Variants in GAREM2 observed in about 807,000 individuals in gnomAD.
The protein encoded by GAREM2 is GRB2 associated regulator of MAPK1 subtype 2.
In GAREM2, 30 loss-of-function variants were observed where a neutral mutation model predicts 55.6. That is an observed-to-expected ratio of 0.54 (90% CI 0.40 to 0.73). GAREM2 has a LOEUF of 0.73. Among genes scored for constraint, GAREM2 ranks in the 30% least tolerant of loss-of-function variants. The pLI, the probability that GAREM2 is intolerant of heterozygous loss-of-function variation, is 0.00. For missense variants in GAREM2, 1,075 were observed against 1,257.7 expected (o/e 0.85, Z 2.20); for synonymous variants, 550 against 569.1 (o/e 0.97, Z 0.48).
Position 26,179,357 on chromosome 2 carries a change from A to C in GAREM2, c.253+2873A>C, listed in dbSNP as rs1668970433. Among the ~76,000 whole-genome samples the C allele has an allele frequency of 6.6e-6, 1 of 152,184 alleles. No individual in the cohort carries two copies. Among genetic ancestry groups the C allele is most frequent in the Non-Finnish European group, 1.5e-5 (1 of 68,032 alleles). ...GACGGGAAATCCGAAGCCCAGAGAGATTAAATAATTTGCCCAAGGTCACAC... is the reference window on the plus strand; with the variant it reads ...GACGGGAAATCCGAAGCCCAGAGAGCTTAAATAATTTGCCCAAGGTCACAC... On this transcript the variant is annotated intron_variant, in intron 2 of 5. Coordinates refer to ENST00000401533, the MANE Select transcript of GAREM2 (RefSeq NM_001168241.2). The surrounding 1 kb of genome is among the most constrained non-coding windows in gnomAD (Gnocchi z 4.7).
downstream of GAREM2, among the ~76,000 whole-genome samples, chr2:26,192,828 G>T (rs1449807595): frequency 6.6e-6 from 1 of 152,164 alleles, no homozygotes; most frequent in Non-Finnish European, 1.5e-5. Context: ...CTGAATTCCT[G>T]AATTTGTATG....
chr2:26,173,512 C>T (rs186492163), intron 1 of GAREM2, among the ~76,000 whole-genome samples, 180 bp downstream of exon 1: 2,800 of 151,802 alleles, frequency 0.018, 300 homozygotes, highest in Admixed American at 0.16. Flanking sequence ...GCCAGGTCCG[C>T]CTCCTGGGCC....
At chr2:26,180,938 G>A (rs1181507392) in intron 2 of GAREM2, 2 of 985,336 alleles carry the variant, frequency 2.0e-6, no homozygotes, top group Non-Finnish European at 2.4e-6. Context: ...TTTCTGACCA[G>A]GCTGGTGGCC....
chr2:26,195,151 T>C, the GAREM2 span: 1 of 1,612,782 alleles, frequency 6.2e-7, no homozygotes, highest in East Asian at 2.2e-5. Flanking sequence ...GAAGCACTGG[T>C]GTCTTTGGAA....
intron 2 of GAREM2, among the ~76,000 whole-genome samples, chr2:26,177,870 G>A (rs1373594434): frequency 2.6e-5 from 4 of 152,096 alleles, no homozygotes; most frequent in Non-Finnish European, 5.9e-5. Context: ...CAAGTGATCC[G>A]GCCGCCTTGG....
At position 26,179,390 on chromosome 2, in the gene GAREM2, T is replaced by C. The variant is rs561508167; in HGVS notation, c.253+2906T>C. Among the ~76,000 whole-genome samples, 1 of 152,346 alleles carries C rather than the reference T, an allele frequency of 6.6e-6. No homozygotes were observed. The highest frequency in any genetic ancestry group is 2.1e-4 in the South Asian group (1 of 4,830). ...ATTTGCCCAAGGTCACACAGCTGGC[T>C]AGTGGCAGGGTGGGATTCAGCCAGA... On this transcript the variant is annotated intron_variant, in intron 2 of 5. Coordinates refer to ENST00000401533, the MANE Select transcript of GAREM2 (RefSeq NM_001168241.2). The surrounding 1 kb of genome is among the most constrained non-coding windows in gnomAD (Gnocchi z 4.7).
chr2:26,185,781 G>A (rs1669232122), intron 4 of GAREM2, among the ~76,000 whole-genome samples: 1 of 152,104 alleles, frequency 6.6e-6, no homozygotes, highest in African/African-American at 2.4e-5. Context: ...TCCTCTTTGG[G>A]GTACACGACT....
chr2:26,192,361 G>A, downstream of GAREM2: 2 of 1,611,298 alleles, frequency 1.2e-6, no homozygotes, highest in Non-Finnish European at 1.7e-6. Context: ...ATCCATGTCA[G>A]AATTCAAATC....
chr2:26,178,616 G>C (rs564171484), intron 2 of GAREM2, among the ~76,000 whole-genome samples: 1 of 152,240 alleles, frequency 6.6e-6, no homozygotes, highest in African/African-American at 2.4e-5. Context: ...AAAAAGAAAA[G>C]AGAAAAAGAA....
At chr2:26,201,793 T>C in the GAREM2 span, among the ~76,000 whole-genome samples, 10 of 152,068 alleles carry the variant, frequency 6.6e-5, no homozygotes, top group Non-Finnish European at 1.5e-4. Context: ...GTAATCTTTT[T>C]TTTTTTTTAT....
the GAREM2 span, among the ~76,000 whole-genome samples, chr2:26,195,851 G>A: frequency 8.5e-5 from 13 of 152,210 alleles, no homozygotes; most frequent in Admixed American, 7.9e-4. Context: ...GAAACTCCAT[G>A]GGTGGGGCCC....
At chr2:26,193,823 C>CTGTA (rs773865390), downstream of GAREM2, 1 of 1,426,232 alleles carries the variant, frequency 7.0e-7, no homozygotes, top group South Asian at 1.1e-5. Flanking sequence ...CCCAAATCCC[C>CTGTA]CCAAAGGGCT....
chr2:26,200,704 C>T, the GAREM2 span, among the ~76,000 whole-genome samples: 1 of 151,362 alleles, frequency 6.6e-6, no homozygotes, highest in South Asian at 2.1e-4. Flanking sequence ...CATGAGCACA[C>T]ATAAAAACTT....
At chr2:26,203,643 T>C in the GAREM2 span, among the ~76,000 whole-genome samples, 1 of 152,210 alleles carries the variant, frequency 6.6e-6, no homozygotes, top group African/African-American at 2.4e-5. Context: ...CCTTACATCC[T>C]AACCTCACTC....
Position 26,184,864 on chromosome 2 carries a change from G to T in GAREM2, c.1016G>T (p.Arg339Leu), listed in dbSNP as rs1285677830. Residue 339 changes from arginine (R) to leucine (L), a missense_variant, in exon 4 of 6, where the codon CGC becomes CTC. Physicochemically the swap from Arg to Leu is moderately radical, Grantham distance 102 (BLOSUM62 -2). Around this residue, in one of 6 missense-constraint regions of GAREM2, gnomAD observed 170 missense variants for 220.7 expected, o/e 0.77. Coordinates refer to ENST00000401533, the MANE Select transcript of GAREM2 (RefSeq NM_001168241.2). ...GLLAGDPRVERLVRDSASYCR... is the reference protein window; with the variant it reads ...GLLAGDPRVELLVRDSASYCR... ...CTGGCCGGGGACCCGCGCGTCGAGC[G>T]CCTGGTGCGCGACAGCGCCTCCTAC... is the stretch of plus-strand genomic sequence containing the variant. 4.1e-6 allele frequency: 6 copies of T among 1,466,704 alleles called. No individual in the cohort carries two copies. In the African/African-American group the frequency reaches 7.4e-5, roughly 18 times the overall value. 90.9% of individuals were successfully genotyped at this position (1,466,704 alleles called of 1,614,324 possible). A position where few individuals can be genotyped will look rare whatever the true frequency, so the allele number is the denominator to read the frequency against.
downstream of GAREM2, chr2:26,192,462 C>G: frequency 9.1e-7 from 1 of 1,097,924 alleles, no homozygotes; most frequent in Non-Finnish European, 1.4e-6. Flanking sequence ...ACTATTTGTT[C>G]TCAGGGAGGG....
In GAREM2 at chr2:26,188,983, C is replaced by T. The variant is rs561025531; in HGVS notation, c.*726C>T. 1 of 152,378 alleles carries T rather than the reference C, an allele frequency of 6.6e-6. No homozygotes were observed. Among genetic ancestry groups the T allele is most frequent in the South Asian group, 2.1e-4 (1 of 4,830 alleles). The allele number at this position is 152,378 out of a possible 1,614,324, so 9.4% of individuals were successfully genotyped here. A position where few individuals can be genotyped will look rare whatever the true frequency, so the allele number is the denominator to read the frequency against. ...AGACACTGCCCAGATGACTCTAGCACCCTGGCTTCTGCTCTGACTTTACTG... is the reference window on the plus strand; with the variant it reads ...AGACACTGCCCAGATGACTCTAGCATCCTGGCTTCTGCTCTGACTTTACTG... On this transcript the variant is annotated 3_prime_UTR_variant, in exon 6 of 6. Transcript: ENST00000401533.
chr2:26,187,102 G>A lies in GAREM2; in HGVS notation c.1599-129G>A, dbSNP rs1574595399. 1.4e-5 allele frequency: 18 copies of A among 1,275,168 alleles called. No individual in the cohort carries two copies. In the South Asian group the frequency reaches 4.6e-4, roughly 33 times the overall value. The allele number at this position is 1,275,168 out of a possible 1,614,324, so 79.0% of individuals were successfully genotyped here. A position where few individuals can be genotyped will look rare whatever the true frequency, so the allele number is the denominator to read the frequency against. ...ACACGGCCATTCCGGAGGGTCTTGG[G>A]CTGGGGCTGGGGTGCAGGCCCGTGT... On this transcript the variant is annotated intron_variant, in intron 5 of 5. Transcript: ENST00000401533.
intron 1 of GAREM2, among the ~76,000 whole-genome samples, chr2:26,175,253 G>A (rs1054671979): frequency 1.4e-5 from 2 of 147,660 alleles, no homozygotes; most frequent in East Asian, 2.2e-4. Context: ...GCTGCAGCCC[G>A]GACACAGCCC....
Sources: gnomAD v4.1 joint callset for allele counts (sites outside exome capture counted in the v4.1 genomes callset) on GRCh38, gnomAD v4.1.1 for gene constraint, gnomAD v4.1.1 regional missense constraint, Gnocchi (gnomAD v3.1) non-coding constraint, MANE v1.5 for transcripts, NCBI Gene and HGNC (gene_info 2026-07-23, HGNC 2026-07-21) for gene names.